ZBTB16: variants seen among roughly 807,000 people sequenced by gnomAD.
The protein encoded by ZBTB16 is zinc finger and BTB domain-containing protein 16.
A neutral mutation model predicts 56.8 loss-of-function variants in ZBTB16; 8 were observed. That is an observed-to-expected ratio of 0.14 (90% CI 0.08 to 0.25). The LOEUF is 0.25. Among genes scored for constraint, ZBTB16 ranks in the 10% least tolerant of loss-of-function variants. The probability of loss-of-function intolerance (pLI) is 1.00; values close to 1 mark genes in which losing one functional copy is unlikely to be tolerated. For missense variants in ZBTB16, 625 were observed against 903.0 expected, an observed-to-expected ratio of 0.69 and a Z score of 3.95; for synonymous variants, 363 against 368.5, an observed-to-expected ratio of 0.98 and a Z score of 0.17.
chr11:114,227,231 C>T (rs533286108), intron 4 of ZBTB16, among the ~76,000 whole-genome samples: 1 of 152,246 alleles, frequency 6.6e-6, no homozygotes, highest in South Asian at 2.1e-4. Flanking sequence ...TGGCCCATCA[C>T]CCCCAGTATT....
chr11:114,103,402 T>C (rs1940681951), intron 2 of ZBTB16, among the ~76,000 whole-genome samples: 2 of 152,360 alleles, frequency 1.3e-5, no homozygotes, highest in South Asian at 4.2e-4. Flanking sequence ...TAAAAACTTT[T>C]TCTTTTCCTT....
rs952546144 is a variant in ZBTB16 at position 114,060,123 on chromosome 11, C to T, written c.-91+241C>T. ...GGCGCAGCTGCCTCCCCAGCCCTTCCTCTTCAGGGCACGGTCGGGGTGAGA... is the reference window on the plus strand; with the variant it reads ...GGCGCAGCTGCCTCCCCAGCCCTTCTTCTTCAGGGCACGGTCGGGGTGAGA... On this transcript the variant is annotated intron_variant, in intron 1 of 6. Transcript: ENST00000335953. This position sits in a 1 kb window ranked among gnomAD's most constrained non-coding sequence, Gnocchi z 6.0. The T allele has an allele frequency of 9.5e-5, 22 of 230,438 alleles. No individual in the cohort carries two copies. In the East Asian group the frequency reaches 1.8e-3, roughly 19 times the overall value. The allele number at this position is 230,438 out of a possible 1,614,324, so 14.3% of individuals were successfully genotyped here.
Position 114,253,794 on chromosome 11 carries a change from AGAGGCTGTCTG to A in ZBTB16, c.*3246_*3256del, listed in dbSNP as rs1299702698. ...GGCCTAGTGGCCAGGGGGCAAGCTAAGAGGCTGTCTGGAGGCTTTATATGTGTCTGGAGTTA... is the reference window on the plus strand; with the variant it reads ...GGCCTAGTGGCCAGGGGGCAAGCTAAGAGGCTTTATATGTGTCTGGAGTTA... On this transcript the variant is annotated 3_prime_UTR_variant, in exon 7 of 7. Transcript: ENST00000335953. 2.0e-5 allele frequency among the ~76,000 whole-genome samples: 3 copies of A among 152,210 alleles called. No individual in the cohort carries two copies. The highest frequency in any genetic ancestry group is 4.4e-5 in the Non-Finnish European group (3 of 68,028).
intron 2 of ZBTB16, among the ~76,000 whole-genome samples, chr11:114,100,742 G>T (rs895605054): frequency 2.0e-5 from 3 of 152,128 alleles, no homozygotes; most frequent in African/African-American, 7.2e-5. Flanking sequence ...GGCACATTTC[G>T]CTTTGTGGAA....
intron 3 of ZBTB16, among the ~76,000 whole-genome samples, chr11:114,179,968 G>A (rs1753926632): frequency 6.6e-6 from 1 of 152,138 alleles, no homozygotes; most frequent in African/African-American, 2.4e-5. Context: ...TTTAGAGAAA[G>A]CTTTATGTTT....
chr11:114,068,250 G>A (rs187050736), intron 2 of ZBTB16, among the ~76,000 whole-genome samples: 2 of 152,084 alleles, frequency 1.3e-5, no homozygotes, highest in Non-Finnish European at 2.9e-5. Context: ...GGGTGGGGGG[G>A]CAGAAGGGAA....
At chr11:114,114,743 A>G (rs985961137) in intron 2 of ZBTB16, among the ~76,000 whole-genome samples, 3 of 151,018 alleles carry the variant, frequency 2.0e-5, no homozygotes, top group African/African-American at 7.3e-5. Context: ...GCAGTGGTAC[A>G]ATCTTGGCTC....
At chr11:114,205,766 A>G (rs2135116713) in intron 4 of ZBTB16, among the ~76,000 whole-genome samples, 1 of 152,304 alleles carries the variant, frequency 6.6e-6, no homozygotes, top group Non-Finnish European at 1.5e-5. Flanking sequence ...TTTTAAAGGT[A>G]ATTATCTTTT....
intron 4 of ZBTB16, among the ~76,000 whole-genome samples, chr11:114,191,520 G>A (rs1270593198): frequency 1.3e-5 from 2 of 152,134 alleles, no homozygotes; most frequent in African/African-American, 4.8e-5. Flanking sequence ...ATGTAGCCTA[G>A]AAGCTACCCA....
chr11:114,091,099 G>A lies in ZBTB16; in HGVS notation c.1268+26531G>A, dbSNP rs189260438. Among the ~76,000 whole-genome samples, 193 of 152,268 alleles carry A rather than the reference G, an allele frequency of 1.3e-3. 4 individuals carry two copies. In the East Asian group the frequency reaches 0.028, roughly 22 times the overall value. On this transcript the variant is annotated intron_variant, in intron 2 of 6. Coordinates refer to ENST00000335953, the MANE Select transcript of ZBTB16 (RefSeq NM_006006.6). Reference sequence around the variant, plus strand: ...ACCCTTTCAGCTGGGTGCGGTGGGAGGCACTTCGGGAGGCCGAGGTGGAAG... The same window carrying A: ...ACCCTTTCAGCTGGGTGCGGTGGGAAGCACTTCGGGAGGCCGAGGTGGAAG...
chr11:114,066,156 C>T (rs1418115369), intron 2 of ZBTB16, among the ~76,000 whole-genome samples: 1 of 152,144 alleles, frequency 6.6e-6, no homozygotes, highest in African/African-American at 2.4e-5. Flanking sequence ...CCCTGTTGCT[C>T]GTTCAGGTAC....
chr11:114,080,846 C>CT (rs1484494732), intron 2 of ZBTB16, among the ~76,000 whole-genome samples: 3 of 152,192 alleles, frequency 2.0e-5, no homozygotes, highest in African/African-American at 4.8e-5. Flanking sequence ...GAGAGGTTGT[C>CT]TAAGTGTCCC....
At chr11:114,156,297 G>A (rs1261466811) in intron 2 of ZBTB16, 40 bp from the exon 3 acceptor site, 2 of 1,609,026 alleles carry the variant, frequency 1.2e-6, no homozygotes, top group Non-Finnish European at 1.7e-6. Flanking sequence ...CTCTTGTCCA[G>A]CCAGAGCAGC....
chr11:114,136,751 A>G (rs1012824187), intron 2 of ZBTB16, among the ~76,000 whole-genome samples: 2 of 152,028 alleles, frequency 1.3e-5, no homozygotes, highest in African/African-American at 4.8e-5. Context: ...GAACTTGAGA[A>G]TATTTCTACT....
chr11:114,105,308 T>TG (rs1451179070), intron 2 of ZBTB16, among the ~76,000 whole-genome samples: 3 of 152,062 alleles, frequency 2.0e-5, no homozygotes, highest in Admixed American at 1.3e-4. Flanking sequence ...TGGCACGATC[T>TG]CGGCTCACTG....
chr11:114,215,805 A>G lies in ZBTB16; in HGVS notation c.1454-26362A>G, dbSNP rs1042948430. Among the ~76,000 whole-genome samples the G allele has an allele frequency of 3.5e-4, 54 of 152,276 alleles. 1 individual carries two copies. The highest frequency in any genetic ancestry group is 1.3e-3 in the African/African-American group (53 of 41,558). On this transcript the variant is annotated intron_variant, in intron 4 of 6. Transcript: ENST00000335953. ...AATTTGAATTATTTTGTGATTACAG[A>G]TCTTACAGGTAGATGTTGGGTACAA...
intron 2 of ZBTB16, among the ~76,000 whole-genome samples, chr11:114,106,770 G>C (rs1940805990): frequency 6.6e-6 from 1 of 152,152 alleles, no homozygotes; most frequent in African/African-American, 2.4e-5. Flanking sequence ...CACTGTGCCT[G>C]TCCCATCTTC....
rs111521055 is a variant in ZBTB16 at position 114,185,573 on chromosome 11, T to C, written c.1367-1379T>C. 7.8e-3 allele frequency among the ~76,000 whole-genome samples: 1,183 copies of C among 152,272 alleles called. 17 individuals carry two copies. Among genetic ancestry groups the C allele is most frequent in the South Asian group, 0.032 (154 of 4,820 alleles). ...GAACGTGTGAGGAATCAGGTGGCTG[T>C]AGAGGAACCTGCATCTGTTGAGTAG... On this transcript the variant is annotated intron_variant, in intron 3 of 6. Coordinates refer to ENST00000335953, the MANE Select transcript of ZBTB16 (RefSeq NM_006006.6).
intron 4 of ZBTB16, among the ~76,000 whole-genome samples, chr11:114,204,883 G>A (rs1457250066): frequency 2.6e-5 from 4 of 152,132 alleles, no homozygotes; most frequent in East Asian, 1.9e-4. Context: ...GTGGTCACTC[G>A]CCCTGAGCTG....
Sources: allele counts gnomAD v4.1 joint callset (sites outside exome capture counted in the v4.1 genomes callset), GRCh38; gene constraint gnomAD v4.1.1; non-coding constraint Gnocchi (gnomAD v3.1); transcripts MANE v1.5; gene names NCBI Gene and HGNC (gene_info 2026-07-23, HGNC 2026-07-21).